Variants in MYRIP observed in about 807,000 individuals in gnomAD.
MYRIP encodes the protein myosin VIIA and Rab interacting protein, also known as rab effector MyRIP.
MYRIP carries 49 observed loss-of-function variants against 98.0 expected under a neutral mutation model. That is an observed-to-expected ratio of 0.50 (90% CI 0.40 to 0.63). MYRIP has a LOEUF of 0.63. Among genes scored for constraint, MYRIP ranks in the 30% least tolerant of loss-of-function variants. The pLI is 0.00. For synonymous variants in MYRIP, 404 were observed against 409.5 expected (o/e 0.99, Z 0.16); for missense variants, 1,004 against 1,058.2 (o/e 0.95, Z 0.71).
intron 2 of MYRIP, among the ~76,000 whole-genome samples, chr3:39,971,973 A>T (rs1381013494): frequency 2.0e-5 from 3 of 152,080 alleles, no homozygotes; most frequent in Non-Finnish European, 4.4e-5. Flanking sequence ...TGGCATTTAC[A>T]ACATTCCTGA....
intron 16 of MYRIP, among the ~76,000 whole-genome samples, chr3:40,255,698 A>G (rs1953565181): frequency 6.6e-6 from 1 of 152,152 alleles, no homozygotes; most frequent in African/African-American, 2.4e-5. Context: ...GGCAGATAGT[A>G]GAGCAACACA....
chr3:40,158,472 G>C (rs1460177968), intron 4 of MYRIP, among the ~76,000 whole-genome samples: 2 of 152,096 alleles, frequency 1.3e-5, no homozygotes, highest in Non-Finnish European at 2.9e-5. Context: ...TGTATATTCT[G>C]TTGATTTGGG....
rs554566318 is a variant in MYRIP, at chr3:39,914,264, G to A, written c.110+13338G>A. ...AGACGGATAACATTAATTAGGGCCTGTTAACTGACCAAAAAACTCTGCTAA... is the reference window on the plus strand; with the variant it reads ...AGACGGATAACATTAATTAGGGCCTATTAACTGACCAAAAAACTCTGCTAA... On this transcript the variant is annotated intron_variant, in intron 2 of 16. Transcript: ENST00000302541. 1.2e-4 allele frequency among the ~76,000 whole-genome samples: 19 copies of A among 152,234 alleles called. 1 individual carries two copies. The South Asian group carries it at 3.9e-3, about 32-fold the overall frequency.
At chr3:39,856,834 T>C (rs1245895571) in intron 1 of MYRIP, among the ~76,000 whole-genome samples, 4 of 152,100 alleles carry the variant, frequency 2.6e-5, no homozygotes. Context: ...ATGCAGACAT[T>C]GATGTAAGGA....
At chr3:39,945,284 A>G (rs187502594) in intron 2 of MYRIP, among the ~76,000 whole-genome samples, 280 of 144,952 alleles carry the variant, frequency 1.9e-3, no homozygotes, top group African/African-American at 6.1e-3. Flanking sequence ...AGCCTGGCCA[A>G]CATGGTGAAA....
At chr3:39,973,703 TCAGACCG>T (rs1313967818) in intron 2 of MYRIP, among the ~76,000 whole-genome samples, 1 of 151,766 alleles carries the variant, frequency 6.6e-6, no homozygotes, top group Non-Finnish European at 1.5e-5. Flanking sequence ...ACAAACTATC[TCAGACCG>T]CAGTGCAATC....
At chr3:39,973,239 A>C (rs1356422116) in intron 2 of MYRIP, among the ~76,000 whole-genome samples, 3 of 152,168 alleles carry the variant, frequency 2.0e-5, no homozygotes. Context: ...AAAAAAAGAC[A>C]GGGGCTGTAA....
intron 3 of MYRIP, 86 bp from the exon 4 acceptor site, chr3:40,150,962 G>T: frequency 8.0e-7 from 1 of 1,255,438 alleles, no homozygotes. Context: ...ACATCTTGAT[G>T]GATGGAGCTG....
At position 40,258,877 on chromosome 3, in the gene MYRIP, T is replaced by A. The variant is rs1278054745; in HGVS notation, c.*711T>A. On this transcript the variant is annotated 3_prime_UTR_variant, in exon 17 of 17. Coordinates refer to ENST00000302541, the MANE Select transcript of MYRIP (RefSeq NM_015460.4). The stretch of plus-strand genomic sequence containing the variant: ...ATCTGAAACAATGTCTCATTAAGAA[T>A]TTAGGGTTCTTCCATGGGCTTACTG... 6.6e-6 allele frequency: 1 copy of A among 152,350 alleles called. No individual in the cohort carries two copies. The allele number at this position is 152,350 out of a possible 1,614,324, so 9.4% of individuals were successfully genotyped here.
At chr3:40,107,869 A>G (rs1021866898) in intron 3 of MYRIP, among the ~76,000 whole-genome samples, 3 of 152,220 alleles carry the variant, frequency 2.0e-5, no homozygotes, top group Non-Finnish European at 4.4e-5. Flanking sequence ...GGAGAGACAC[A>G]AATCACAGAC....
At chr3:40,229,149 C>T (rs1389025271) in intron 11 of MYRIP, among the ~76,000 whole-genome samples, 4 of 152,312 alleles carry the variant, frequency 2.6e-5, no homozygotes, top group South Asian at 2.1e-4. Context: ...TAGAATTCTA[C>T]AGGCTCAGCT....
At chr3:39,990,232 G>T (rs370239064) in intron 2 of MYRIP, among the ~76,000 whole-genome samples, 1 of 152,138 alleles carries the variant, frequency 6.6e-6, no homozygotes, top group Admixed American at 6.5e-5. Flanking sequence ...CCCTTGGCTG[G>T]GGGGAGTGGA....
chr3:40,195,480 G>C (rs568737227), intron 10 of MYRIP, among the ~76,000 whole-genome samples: 4 of 152,004 alleles, frequency 2.6e-5, no homozygotes, highest in Non-Finnish European at 5.9e-5. Context: ...TTTTTCTGTA[G>C]AAATGGGGTC....
intron 1 of MYRIP, among the ~76,000 whole-genome samples, chr3:39,890,439 T>C (rs1438258953): frequency 6.6e-6 from 1 of 152,116 alleles, no homozygotes; most frequent in Non-Finnish European, 1.5e-5. Flanking sequence ...GGTCACTCTT[T>C]CCAGTGTTCC....
chr3:40,069,485 G>A (rs2125857181), intron 3 of MYRIP, among the ~76,000 whole-genome samples: 1 of 151,830 alleles, frequency 6.6e-6, no homozygotes, highest in Non-Finnish European at 1.5e-5. Context: ...CAGCTCAGTG[G>A]CATTAAGTAC....
At chr3:39,864,409 G>T (rs924235062) in intron 1 of MYRIP, among the ~76,000 whole-genome samples, 2 of 152,116 alleles carry the variant, frequency 1.3e-5, no homozygotes, top group African/African-American at 4.8e-5. Context: ...AATAGTCTCT[G>T]CCCAAAAGCT....
At chr3:40,036,594 A>G (rs975455800) in intron 2 of MYRIP, among the ~76,000 whole-genome samples, 3 of 152,094 alleles carry the variant, frequency 2.0e-5, no homozygotes, top group African/African-American at 4.8e-5. Flanking sequence ...CTTCTGTTGG[A>G]CCAACACTCC....
intron 2 of MYRIP, among the ~76,000 whole-genome samples, chr3:39,987,113 G>A (rs1559549423): frequency 6.6e-6 from 1 of 152,042 alleles, no homozygotes; most frequent in East Asian, 1.9e-4. Context: ...TAGGTTTTAA[G>A]CCCTGCATGC....
intron 3 of MYRIP, among the ~76,000 whole-genome samples, chr3:40,118,310 G>C (rs879788301): frequency 3.3e-5 from 5 of 152,180 alleles, no homozygotes; most frequent in Non-Finnish European, 7.3e-5. Flanking sequence ...TGAAATTCCT[G>C]CTGCATGTAT....
Sources: gnomAD v4.1 joint callset for allele counts (sites outside exome capture counted in the v4.1 genomes callset) on GRCh38, gnomAD v4.1.1 for gene constraint, MANE v1.5 for transcripts, NCBI Gene and HGNC (gene_info 2026-07-23, HGNC 2026-07-21) for gene names.